Variants in TRPC6 observed in about 807,000 individuals in gnomAD.
TRPC6 encodes the protein transient receptor potential cation channel subfamily C member 6.
In TRPC6, 55 loss-of-function variants were observed where a neutral mutation model predicts 90.7. The ratio of observed to expected loss-of-function variants is 0.61; its 90% CI spans 0.49 to 0.76. The LOEUF (loss-of-function observed/expected upper bound fraction) is 0.76, where lower values mean the gene tolerates loss of function less well. Ranked by LOEUF, TRPC6 falls within the 30% of genes least tolerant of loss-of-function variation. TRPC6 has a pLI of 0.00. For synonymous variants in TRPC6, 393 were observed against 393.0 expected (o/e 1.00, Z 0.00); for missense variants, 989 against 1,122.7 (o/e 0.88, Z 1.70).
At chr11:101,506,371 A>G (rs776252029) in intron 1 of TRPC6, among the ~76,000 whole-genome samples, 5 of 152,130 alleles carry the variant, frequency 3.3e-5, no homozygotes, top group Non-Finnish European at 5.9e-5. Context: ...TGCTTTCCCT[A>G]CTGGCCTTTA....
chr11:101,527,451 T>C (rs1268352861), intron 1 of TRPC6, among the ~76,000 whole-genome samples: 1 of 152,162 alleles, frequency 6.6e-6, no homozygotes, highest in Non-Finnish European at 1.5e-5. Flanking sequence ...TTACATAACA[T>C]TCAAGGAAAT....
At chr11:101,479,248 C>T (rs1018106320) in intron 5 of TRPC6, among the ~76,000 whole-genome samples, 1 of 152,224 alleles carries the variant, frequency 6.6e-6, no homozygotes, top group Admixed American at 6.5e-5. Context: ...CCTGGACTGC[C>T]GTCCTCTCCT....
At chr11:101,518,810 T>G (rs1275453958) in intron 1 of TRPC6, among the ~76,000 whole-genome samples, 1 of 152,142 alleles carries the variant, frequency 6.6e-6, no homozygotes, top group Admixed American at 6.5e-5. Context: ...AACAAATGAA[T>G]GGATGAAGAA....
intron 4 of TRPC6, among the ~76,000 whole-genome samples, chr11:101,485,134 C>A (rs1339031603): frequency 1.3e-5 from 2 of 151,298 alleles, no homozygotes; most frequent in African/African-American, 4.9e-5. Flanking sequence ...AATACACACA[C>A]ACACACACAC....
chr11:101,472,268 C>T lies in TRPC6; in HGVS notation c.2074G>A (p.Val692Ile), dbSNP rs202219188. 25 of 1,613,230 alleles carry T rather than the reference C, an allele frequency of 1.5e-5. No individual in the cohort carries two copies. In the Middle Eastern group the frequency reaches 5.0e-4, roughly 32 times the overall value. Reference protein sequence around the residue: ...IFGLSEVKSVVINYNHKFIEN... With the variant: ...IFGLSEVKSVIINYNHKFIEN... ...ATGAATTTGTGGTTATAGTTGATGACCACTGATTTCACTTCAGAAAGTCCA... is the reference window on the plus strand; with the variant it reads ...ATGAATTTGTGGTTATAGTTGATGATCACTGATTTCACTTCAGAAAGTCCA... Residue 692 changes from valine to isoleucine, a missense_variant, in exon 8 of 13, where the codon GTC (valine) becomes ATC (isoleucine). Coordinates refer to ENST00000344327, the MANE Select transcript of TRPC6 (RefSeq NM_004621.6).
chr11:101,456,242 G>C (rs907947277), intron 10 of TRPC6, among the ~76,000 whole-genome samples: 1 of 152,170 alleles, frequency 6.6e-6, no homozygotes, highest in African/African-American at 2.4e-5. Flanking sequence ...ATGGAACAGA[G>C]GCAAGATGCT....
intron 1 of TRPC6, among the ~76,000 whole-genome samples, chr11:101,542,562 A>G (rs1267014951): frequency 6.6e-6 from 1 of 152,090 alleles, no homozygotes; most frequent in East Asian, 1.9e-4. Flanking sequence ...AGAATGAGTA[A>G]TTAATTGTCT....
At chr11:101,576,030 G>A (rs1226415675) in intron 1 of TRPC6, among the ~76,000 whole-genome samples, 7 of 152,172 alleles carry the variant, frequency 4.6e-5, no homozygotes, top group Non-Finnish European at 8.8e-5. Context: ...GAGAGAATCT[G>A]CCAGCCCCAT....
At chr11:101,561,653 T>C (rs1009475376) in intron 1 of TRPC6, among the ~76,000 whole-genome samples, 9 of 152,018 alleles carry the variant, frequency 5.9e-5, no homozygotes, top group African/African-American at 2.2e-4. Flanking sequence ...TTCCTCTCTC[T>C]TCTACTCAGG....
intron 1 of TRPC6, 83 bp downstream of exon 1, chr11:101,583,251 G>C (rs1045356657): frequency 6.7e-7 from 1 of 1,497,092 alleles, no homozygotes; most frequent in Non-Finnish European, 8.9e-7. Flanking sequence ...GGACGCGCGC[G>C]GACGGACTCG....
chr11:101,522,507 AAC>A (rs1169454394), intron 1 of TRPC6, among the ~76,000 whole-genome samples: 12 of 152,190 alleles, frequency 7.9e-5, no homozygotes, highest in Admixed American at 3.9e-4. Context: ...AGAACAGACT[AAC>A]ACAGTCACCT....
intron 1 of TRPC6, among the ~76,000 whole-genome samples, chr11:101,542,272 A>C (rs67343405): frequency 0.1 from 15,226 of 152,292 alleles, 881 homozygotes; most frequent in Middle Eastern, 0.14. Context: ...AATGAATACC[A>C]GGATCAATTA....
chr11:101,537,845 C>A (rs185198183), intron 1 of TRPC6, among the ~76,000 whole-genome samples: 2 of 151,276 alleles, frequency 1.3e-5, no homozygotes, highest in Admixed American at 1.3e-4. Flanking sequence ...AAATTATTTT[C>A]TCTTTAAAAT....
chr11:101,491,231 G>A, intron 3 of TRPC6: 1 of 295,830 alleles, frequency 3.4e-6, no homozygotes, highest in Non-Finnish European at 6.6e-6. Context: ...CGGATCACAA[G>A]GTCAGGAGAT....
At chr11:101,490,917 G>C (rs1265560561) in intron 3 of TRPC6, among the ~76,000 whole-genome samples, 1 of 152,114 alleles carries the variant, frequency 6.6e-6, no homozygotes, top group Admixed American at 6.5e-5. Context: ...GCAACAAATG[G>C]GAAAATGGAG....
intron 1 of TRPC6, among the ~76,000 whole-genome samples, chr11:101,508,159 CA>C (rs1275247420): frequency 6.6e-6 from 1 of 152,066 alleles, no homozygotes; most frequent in Non-Finnish European, 1.5e-5. Context: ...TTAAAGATTG[CA>C]CACATCACAA....
At chr11:101,530,639 A>G (rs972552417) in intron 1 of TRPC6, among the ~76,000 whole-genome samples, 1 of 152,008 alleles carries the variant, frequency 6.6e-6, no homozygotes, top group East Asian at 1.9e-4. Context: ...CTTGAAGTGG[A>G]CCCTTGTACC....
At chr11:101,561,427 T>C (rs748575839) in intron 1 of TRPC6, among the ~76,000 whole-genome samples, 3 of 152,206 alleles carry the variant, frequency 2.0e-5, no homozygotes, top group Admixed American at 6.6e-5. Context: ...ATGAGTTCCA[T>C]GCCAACTCTT....
At position 101,453,662 on chromosome 11, in the gene TRPC6, C is replaced by T. The variant is rs774704430; in HGVS notation, c.2632G>A (p.Glu878Lys). 1.2e-6 allele frequency: 2 copies of T among 1,613,960 alleles called. No individual in the cohort carries two copies. The highest frequency in any genetic ancestry group is 1.7e-6 in the Non-Finnish European group (2 of 1,179,876). ...LQAQIDKESD[E>K]VNEGELKEIK... ...GCGTTCAACTCACCTTCGTTCACTT[C>T]ATCACTCTCCTTATCTATCTGGGCC... Residue 878 changes from glutamate (E) to lysine (K), a missense_variant, in exon 12 of 13, where the codon GAA becomes AAA. By Grantham distance (56) the Glu-to-Lys change is moderately conservative. This residue lies in a region of TRPC6 where 191 missense variants were observed against 196.7 expected (regional missense o/e 0.97). Transcript: ENST00000344327.
Sources: gnomAD v4.1 joint callset for allele counts (sites outside exome capture counted in the v4.1 genomes callset) on GRCh38, gnomAD v4.1.1 for gene constraint, gnomAD v4.1.1 regional missense constraint, MANE v1.5 for transcripts, NCBI Gene and HGNC (gene_info 2026-07-23, HGNC 2026-07-21) for gene names.